TTBK2: variants seen among roughly 807,000 people sequenced by gnomAD.
The protein encoded by TTBK2 is tau tubulin kinase 2.
In TTBK2, 28 loss-of-function variants were observed where a neutral mutation model predicts 110.8. That is an observed-to-expected ratio of 0.25 (90% confidence interval 0.19 to 0.35). The LOEUF (loss-of-function observed/expected upper bound fraction) is 0.35. Among genes scored for constraint, TTBK2 ranks in the 10% least tolerant of loss-of-function variants. The pLI is 1.00. For missense variants in TTBK2, 1,369 were observed against 1,500.3 expected (o/e 0.91, Z 1.45); for synonymous variants, 532 against 527.3 (o/e 1.01, Z -0.12).
chr15:42,833,751 T>G (rs1277664180), intron 4 of TTBK2, among the ~76,000 whole-genome samples: 1 of 152,042 alleles, frequency 6.6e-6, no homozygotes. Flanking sequence ...GGCTCACATC[T>G]GCAATCCCAG....
chr15:42,853,208 C>T (rs191792275), intron 3 of TTBK2, among the ~76,000 whole-genome samples: 12 of 152,202 alleles, frequency 7.9e-5, no homozygotes, highest in Admixed American at 2.6e-4. Flanking sequence ...CAACTCTCAG[C>T]TTGTGCTCTG....
At chr15:42,770,173 C>A (rs1287275646) in intron 13 of TTBK2, among the ~76,000 whole-genome samples, 2 of 151,886 alleles carry the variant, frequency 1.3e-5, no homozygotes, top group Non-Finnish European at 2.9e-5. Flanking sequence ...TGCAGCACAC[C>A]AACATGGCAC....
At chr15:42,759,714 G>C (rs1249993166) in intron 13 of TTBK2, among the ~76,000 whole-genome samples, 5 of 152,034 alleles carry the variant, frequency 3.3e-5, no homozygotes, top group South Asian at 4.1e-4. Flanking sequence ...CATCCACCTA[G>C]CATCAAAGCA....
At chr15:42,794,861 T>G (rs564956723) in intron 9 of TTBK2, 60 bp from the exon 10 acceptor site, 3 of 1,598,138 alleles carry the variant, frequency 1.9e-6, no homozygotes, top group Non-Finnish European at 2.6e-6. Flanking sequence ...CTTTATTCTA[T>G]AAGAGAAAGC....
intron 1 of TTBK2, among the ~76,000 whole-genome samples, chr15:42,914,792 G>C (rs2030986395): frequency 6.6e-6 from 1 of 152,194 alleles, no homozygotes. Flanking sequence ...CTCTGGTGAA[G>C]TATGTAGAAT....
At chr15:42,772,866 A>G (rs1056880112) in intron 13 of TTBK2, among the ~76,000 whole-genome samples, 3 of 152,150 alleles carry the variant, frequency 2.0e-5, no homozygotes, top group African/African-American at 7.2e-5. Flanking sequence ...GGACCACTTG[A>G]ACACAAGAAT....
At position 42,777,075 on chromosome 15, in the gene TTBK2, C is replaced by G; in HGVS notation, c.1365G>C (p.Leu455=). 1 of 1,614,140 alleles carries G rather than the reference C, an allele frequency of 6.2e-7. No individual in the cohort carries two copies. Residue 455 remains leucine (L), a synonymous_variant, in exon 12 of 15, where the codon CTG becomes CTC. Coordinates refer to ENST00000267890, the MANE Select transcript of TTBK2 (RefSeq NM_173500.4). ...SIHSFELEKR[L]TLEPKPDTDK... is the part of the protein sequence containing the mutation. The stretch of plus-strand genomic sequence containing the variant: ...CAGTGTCTGGCTTTGGCTCCAGGGT[C>G]AGACGTTTTTCCAGCTCAAAGCTGT...
chr15:42,761,093 C>T (rs1319037353), intron 13 of TTBK2, among the ~76,000 whole-genome samples: 1 of 152,148 alleles, frequency 6.6e-6, no homozygotes, highest in Non-Finnish European at 1.5e-5. Flanking sequence ...AGAACAGTCT[C>T]TTCAATAAAT....
intron 3 of TTBK2, among the ~76,000 whole-genome samples, chr15:42,851,879 C>A (rs1163564085): frequency 6.6e-6 from 1 of 151,960 alleles, no homozygotes; most frequent in African/African-American, 2.4e-5. Context: ...TTATTGTGAC[C>A]ATTTACACTC....
intron 3 of TTBK2, among the ~76,000 whole-genome samples, chr15:42,865,303 C>T (rs1894321723): frequency 6.6e-6 from 1 of 151,604 alleles, no homozygotes; most frequent in South Asian, 2.1e-4. Context: ...CTACTAAAAA[C>T]ACAAAAATTA....
intron 9 of TTBK2, 81 bp from the exon 10 acceptor site, chr15:42,794,882 CAT>C: frequency 6.4e-7 from 1 of 1,565,026 alleles, no homozygotes; most frequent in Non-Finnish European, 8.8e-7. Context: ...ACACCAGACT[CAT>C]AAAATGATTT....
intron 10 of TTBK2, among the ~76,000 whole-genome samples, chr15:42,791,407 CCTGA>C (rs1232206528): frequency 6.6e-6 from 1 of 152,198 alleles, no homozygotes; most frequent in East Asian, 1.9e-4. Context: ...ACTCCAACAA[CCTGA>C]CTGTTATTTC....
At position 42,878,668 on chromosome 15, in the gene TTBK2, G is replaced by C; in HGVS notation, c.-51C>G. 6.2e-7 allele frequency: 1 copy of C among 1,613,092 alleles called. No individual in the cohort carries two copies. Among genetic ancestry groups the C allele is most frequent in the Non-Finnish European group, 8.5e-7 (1 of 1,179,688 alleles). On this transcript the variant is annotated 5_prime_UTR_variant, in exon 2 of 15. Transcript: ENST00000267890. ...GCTACACAGGCATCCAGTTCCCAAG[G>C]GTGGTTTCCATTTAACCTAAAACAA...
intron 3 of TTBK2, among the ~76,000 whole-genome samples, chr15:42,850,742 A>G (rs557251327): frequency 5.9e-5 from 9 of 152,292 alleles, no homozygotes; most frequent in Non-Finnish European, 1.3e-4. Flanking sequence ...TTTGGACATT[A>G]TATCTATGTG....
intron 1 of TTBK2, among the ~76,000 whole-genome samples, chr15:42,906,175 C>T (rs1290390052): frequency 6.6e-6 from 1 of 151,068 alleles, no homozygotes; most frequent in Non-Finnish European, 1.5e-5. Flanking sequence ...GCAACAAGAG[C>T]GAAACTCCAT....
chr15:42,759,517 G>A (rs1290995925), intron 13 of TTBK2, among the ~76,000 whole-genome samples: 2 of 152,190 alleles, frequency 1.3e-5, no homozygotes, highest in African/African-American at 4.8e-5. Context: ...CAGTGAGCCA[G>A]ACTCCAAACT....
chr15:42,845,064 C>T (rs1351098992), intron 3 of TTBK2, among the ~76,000 whole-genome samples: 1 of 152,138 alleles, frequency 6.6e-6, no homozygotes, highest in Non-Finnish European at 1.5e-5. Flanking sequence ...AAAAATTTGG[C>T]TTATGAGGCT....
In TTBK2 at chr15:42,811,486, T is replaced by G. The variant is rs114451149; in HGVS notation, c.696+202A>C. Reference sequence around the variant, plus strand: ...ATTAATCAGAAGCAATTAGTATCTATTCTCCATGTACACAGAAAAATCTCA... The same window carrying G: ...ATTAATCAGAAGCAATTAGTATCTAGTCTCCATGTACACAGAAAAATCTCA... On this transcript the variant is annotated intron_variant, in intron 8 of 14. Coordinates refer to ENST00000267890, the MANE Select transcript of TTBK2 (RefSeq NM_173500.4). Among the ~76,000 whole-genome samples the G allele has an allele frequency of 4.7e-3, 710 of 152,304 alleles. 6 individuals carry two copies. The highest frequency in any genetic ancestry group is 0.017 in the African/African-American group (686 of 41,564).
chr15:42,805,146 A>C (rs1891405672), intron 9 of TTBK2, among the ~76,000 whole-genome samples: 1 of 152,224 alleles, frequency 6.6e-6, no homozygotes, highest in Non-Finnish European at 1.5e-5. Flanking sequence ...AATGTTAACA[A>C]AACACAGTCC....
Sources: gnomAD v4.1 joint callset for allele counts (sites outside exome capture counted in the v4.1 genomes callset) on GRCh38, gnomAD v4.1.1 for gene constraint, MANE v1.5 for transcripts, NCBI Gene and HGNC (gene_info 2026-07-23, HGNC 2026-07-21) for gene names.